DENND1C: variants seen among roughly 807,000 people sequenced by gnomAD.
DENND1C encodes DENN domain-containing protein 1C.
In DENND1C, 64 loss-of-function variants were observed where a neutral mutation model predicts 87.9. The observed-to-expected ratio is 0.73, with a 90% CI of 0.60 to 0.90. The LOEUF (loss-of-function observed/expected upper bound fraction) is 0.90, where lower values mean the gene tolerates loss of function less well. Ranked by LOEUF, DENND1C falls within the 40% of genes least tolerant of loss-of-function variation. The pLI is 0.00. For missense variants in DENND1C, 980 were observed against 1,037.0 expected (o/e 0.95, Z 0.76); for synonymous variants, 384 against 424.4 (o/e 0.90, Z 1.17).
chr19:6,480,431 G>A (rs1481437206), intron 1 of DENND1C: 1 of 1,093,624 alleles, frequency 9.1e-7, no homozygotes, highest in Non-Finnish European at 1.1e-6. Context: ...AGCCCGTGCA[G>A]TCCCAAGCTA....
At position 6,471,666 on chromosome 19, in the gene DENND1C, A is replaced by G. The variant is rs571683114; in HGVS notation, c.1159-170T>C. On this transcript the variant is annotated intron_variant, in intron 15 of 22. Coordinates refer to ENST00000381480, the MANE Select transcript of DENND1C (RefSeq NM_024898.4). ...TTATTTTTTATTTTTATTTTTTGAG[A>G]TGGAGTTGCTCTGGCACCCAGGCTG... Among the ~76,000 whole-genome samples, 6 of 151,950 alleles carry G rather than the reference A, an allele frequency of 3.9e-5. No individual in the cohort carries two copies. The South Asian group carries it at 1.3e-3, about 32-fold the overall frequency.
chr19:6,479,826 C>T (rs769102953), intron 3 of DENND1C, 33 bp downstream of exon 3: 47 of 1,613,224 alleles, frequency 2.9e-5, no homozygotes, highest in Middle Eastern at 1.6e-4. Flanking sequence ...GACTGGCCCT[C>T]GCCCTGGGGG....
At chr19:6,476,819 G>A (rs556581035) in intron 10 of DENND1C, 38 bp downstream of exon 10, 20 of 1,590,224 alleles carry the variant, frequency 1.3e-5, no homozygotes, top group African/African-American at 6.7e-5. Context: ...GCGGAGCCAG[G>A]CCCTGCTCCC....
chr19:6,477,198 G>A lies in DENND1C; in HGVS notation c.513+20C>T. On this transcript the variant is annotated intron_variant, in intron 8 of 22. Transcript: ENST00000381480. The stretch of plus-strand genomic sequence containing the variant: ...CTCACCTGGACCCCCGACCTTCCAG[G>A]GTCCCCGAGCCCCGCTCACCGGCTT... 1 of 1,588,926 alleles carries A rather than the reference G, an allele frequency of 6.3e-7. No homozygotes were observed.
chr19:6,479,147 G>A, intron 4 of DENND1C, 91 bp from the exon 5 acceptor site: 2 of 1,529,960 alleles, frequency 1.3e-6, no homozygotes, highest in South Asian at 1.2e-5. Context: ...GACCCTGAGT[G>A]TATGGGTCTC....
intron 1 of DENND1C, 85 bp downstream of exon 1, chr19:6,481,594 G>A (rs1913570405): frequency 6.3e-7 from 1 of 1,590,796 alleles, no homozygotes; most frequent in Non-Finnish European, 8.6e-7. Flanking sequence ...TCCCGGGCCT[G>A]CTCCAGCCCC....
intron 6 of DENND1C, 95 bp downstream of exon 6, chr19:6,478,688 C>G (rs904113154): frequency 7.0e-7 from 1 of 1,422,164 alleles, no homozygotes. Flanking sequence ...ACAGTGTGCC[C>G]TGCCAAGCCT....
intron 15 of DENND1C, among the ~76,000 whole-genome samples, chr19:6,471,938 C>T (rs1382101998): frequency 3.3e-5 from 5 of 152,190 alleles, no homozygotes. Flanking sequence ...CCACTGTCCC[C>T]GGCCCGGAGC....
In DENND1C at chr19:6,467,329, TG is replaced by T; in HGVS notation, c.*174del. On this transcript the variant is annotated 3_prime_UTR_variant, in exon 23 of 23. Transcript: ENST00000381480. Reference sequence around the variant, plus strand: ...GATTCTAGAAGACCAGGAGGCTTCCTGGAATTCCCTGCTAGGAGCCAGTTAG... The same window carrying T: ...GATTCTAGAAGACCAGGAGGCTTCCTGAATTCCCTGCTAGGAGCCAGTTAG... The T allele has an allele frequency of 1.2e-6, 1 of 826,622 alleles. No homozygotes were observed. Among genetic ancestry groups the T allele is most frequent in the Non-Finnish European group, 1.7e-6 (1 of 585,440 alleles). The allele number at this position is 826,622 out of a possible 1,614,324, so 51.2% of individuals were successfully genotyped here.
At position 6,481,725 on chromosome 19, in the gene DENND1C, C is replaced by G; in HGVS notation, c.-30G>C. The G allele has an allele frequency of 1.3e-6, 2 of 1,556,662 alleles. No individual in the cohort carries two copies. Among genetic ancestry groups the G allele is most frequent in the Non-Finnish European group, 1.7e-6 (2 of 1,154,512 alleles). The stretch of plus-strand genomic sequence containing the variant: ...CCTGCAGGGCCAGCCCAGCGGGGCC[C>G]TCTCCCCAGGGGTCCTGGGGGCCTG... On this transcript the variant is annotated 5_prime_UTR_variant, in exon 1 of 23. Transcript: ENST00000381480.
chr19:6,467,649 G>A lies in DENND1C; in HGVS notation c.2261C>T (p.Ala754Val), dbSNP rs780994251. Reference sequence around the variant, plus strand: ...GAGGTGAGCGCGCTCTGCCAGCAGGGCTTTGGGAGGCCGGGCTCTGGGGTC... The same window carrying A: ...GAGGTGAGCGCGCTCTGCCAGCAGGACTTTGGGAGGCCGGGCTCTGGGGTC... ...LEDPRARPPK[A>V]LLAERAHLQP... The change falls in exon 23 of 23, where the codon GCC (alanine) becomes GTC (valine). Residue 754 changes from alanine (A) to valine (V), a missense_variant. By Grantham distance (64) the Ala-to-Val change is moderately conservative (BLOSUM62 0). Transcript: ENST00000381480. 14 of 1,537,718 alleles carry A rather than the reference G, an allele frequency of 9.1e-6. No homozygotes were observed. The South Asian group carries it at 1.5e-4, about 17-fold the overall frequency.
In DENND1C at chr19:6,477,253, C is replaced by T. The variant is rs754520303; in HGVS notation, c.478G>A (p.Gly160Ser). The T allele has an allele frequency of 4.4e-6, 7 of 1,583,990 alleles. No individual in the cohort carries two copies. The Admixed American group carries it at 9.0e-5, about 20-fold the overall frequency. The change falls in exon 8 of 23, where the codon GGT becomes AGT. Residue 160 changes from glycine (G) to serine (S), a missense_variant. By Grantham distance (56) the Gly-to-Ser change is moderately conservative. Coordinates refer to ENST00000381480, the MANE Select transcript of DENND1C (RefSeq NM_024898.4). ...GSGVTVSSGQ[G>S]IPPPTRGNSK... ...TTCCCCCGGGTAGGGGGGGGGATAC[C>T]CTGCCCGCTGGAGACCGTCACTCCG...
At chr19:6,468,206 G>A in intron 22 of DENND1C, 28 bp downstream of exon 22, 1 of 1,612,876 alleles carries the variant, frequency 6.2e-7, no homozygotes, top group Non-Finnish European at 8.5e-7. Flanking sequence ...ACTTGGGGTA[G>A]GGTTGGGGGA....
At chr19:6,478,639 C>T (rs1014351859) in intron 6 of DENND1C, 144 bp downstream of exon 6, 5 of 917,412 alleles carry the variant, frequency 5.5e-6, no homozygotes, top group Middle Eastern at 6.7e-4. Flanking sequence ...GGGATCCTCC[C>T]ACCTCGGCCT....
rs753884918 is a variant in DENND1C at position 6,468,882 on chromosome 19, C to T, written c.1479G>A (p.Leu493=). 6.6e-7 allele frequency: 1 copy of T among 1,511,294 alleles called. No individual in the cohort carries two copies. 93.6% of individuals were successfully genotyped at this position (1,511,294 alleles called of 1,614,324 possible). A position where few individuals can be genotyped will look rare whatever the true frequency, so the allele number is the denominator to read the frequency against. Residue 493 remains leucine, a synonymous_variant, in exon 20 of 23, where the codon CTG becomes CTA. Transcript: ENST00000381480. ...GCTGAGTGATTGGGAGGCGTTGCTGCAGGCGGTCTGAGCGGCTGGGGAGGG... is the reference window on the plus strand; with the variant it reads ...GCTGAGTGATTGGGAGGCGTTGCTGTAGGCGGTCTGAGCGGCTGGGGAGGG... ...APALPSRSDR[L]QQRLPITQHF...
At chr19:6,475,811 T>G in intron 11 of DENND1C, 26 bp downstream of exon 11, 1 of 1,522,760 alleles carries the variant, frequency 6.6e-7, no homozygotes, top group Non-Finnish European at 8.8e-7. Context: ...CCACAGGCCC[T>G]GCCCCTCCCA....
Position 6,467,748 on chromosome 19 carries a change from G to A in DENND1C, c.2162C>T (p.Pro721Leu), listed in dbSNP as rs1276311525. The A allele has an allele frequency of 1.3e-6, 2 of 1,521,118 alleles. No homozygotes were observed. Among genetic ancestry groups the A allele is most frequent in the Admixed American group, 2.3e-5 (1 of 44,090 alleles). The allele number at this position is 1,521,118 out of a possible 1,614,324, so 94.2% of individuals were successfully genotyped here. The part of the protein sequence containing the change: ...SPPESPQILA[P>L]TKPNFDIAWT... Reference sequence around the variant, plus strand: ...GGCTATATCAAAGTTGGGCTTTGTGGGGGCCAGAATTTGGGGGCTTTCTGG... The same window carrying A: ...GGCTATATCAAAGTTGGGCTTTGTGAGGGCCAGAATTTGGGGGCTTTCTGG... Residue 721 changes from proline to leucine, a missense_variant, in exon 23 of 23, where the codon CCC (proline) becomes CTC (leucine). Coordinates refer to ENST00000381480, the MANE Select transcript of DENND1C (RefSeq NM_024898.4).
At chr19:6,470,564 T>TTTTGTA (rs751992367) in intron 17 of DENND1C, among the ~76,000 whole-genome samples, 198 bp from the exon 18 acceptor site, 2 of 143,668 alleles carry the variant, frequency 1.4e-5, no homozygotes, top group Non-Finnish European at 2.9e-5. Context: ...CACTTAAGTG[T>TTTTGTA]TTTGTTTTTG....
At position 6,468,827 on chromosome 19, in the gene DENND1C, G is replaced by C. The variant is rs1269656077; in HGVS notation, c.1515+19C>G. The C allele has an allele frequency of 6.7e-6, 10 of 1,502,846 alleles. No homozygotes were observed. Among genetic ancestry groups the C allele is most frequent in the Admixed American group, 4.7e-5 (2 of 42,254 alleles). The allele number at this position is 1,502,846 out of a possible 1,614,324, so 93.1% of individuals were successfully genotyped here. ...AGTGATAATTCCAGGTGTGTGCATGGGGGGAGGGGCGCTCTCACCTTTCCA... is the reference window on the plus strand; with the variant it reads ...AGTGATAATTCCAGGTGTGTGCATGCGGGGAGGGGCGCTCTCACCTTTCCA... On this transcript the variant is annotated intron_variant, in intron 20 of 22. Transcript: ENST00000381480.
Sources: gnomAD v4.1 joint callset for allele counts (sites outside exome capture counted in the v4.1 genomes callset) on GRCh38, gnomAD v4.1.1 for gene constraint, MANE v1.5 for transcripts, NCBI Gene and HGNC (gene_info 2026-07-23, HGNC 2026-07-21) for gene names.